DLG2: variants seen among roughly 807,000 people sequenced by gnomAD.
The protein encoded by DLG2 is disks large homolog 2.
DLG2 carries 45 observed loss-of-function variants against 132.5 expected under a neutral mutation model. The ratio of observed to expected loss-of-function variants is 0.34; its 90% CI spans 0.27 to 0.44. DLG2 has a LOEUF of 0.44. Ranked by LOEUF, DLG2 falls within the 20% of genes least tolerant of loss-of-function variation. The probability of loss-of-function intolerance (pLI) is 1.00; values close to 1 mark genes in which losing one functional copy is unlikely to be tolerated. For missense variants in DLG2, 1,045 were observed against 1,196.9 expected (o/e 0.87, Z 1.87); for synonymous variants, 424 against 419.6 (o/e 1.01, Z -0.13).
intron 6 of DLG2, among the ~76,000 whole-genome samples, chr11:84,693,241 C>T (rs1358953225): frequency 6.6e-6 from 1 of 151,786 alleles, no homozygotes; most frequent in Non-Finnish European, 1.5e-5. Context: ...AGGCTTATAA[C>T]ATTAGATACA....
chr11:83,461,158 G>A (rs1268555364), intron 27 of DLG2, among the ~76,000 whole-genome samples: 1 of 151,910 alleles, frequency 6.6e-6, no homozygotes, highest in East Asian at 1.9e-4. Context: ...ACAGGTGCCT[G>A]CCACCACACC....
At chr11:84,280,867 ATTTTTTTTTTTTTTTT>A (rs35970331) in intron 7 of DLG2, among the ~76,000 whole-genome samples, 1 of 67,702 alleles carries the variant, frequency 1.5e-5, no homozygotes, top group South Asian at 7.1e-4. Context: ...TGCCCAGCCA[ATTTTTTTTTTTTTTTT>A]TTTTTTTTTT....
intron 2 of DLG2, among the ~76,000 whole-genome samples, chr11:85,619,721 C>A (rs2081571763): frequency 6.6e-6 from 1 of 152,020 alleles, no homozygotes; most frequent in Admixed American, 6.6e-5. Flanking sequence ...GTAATCCCAG[C>A]TACTCGGCAG....
intron 10 of DLG2, among the ~76,000 whole-genome samples, chr11:84,091,883 C>G (rs2097098956): frequency 6.6e-6 from 1 of 152,146 alleles, no homozygotes. Context: ...CTGATGTCTT[C>G]TATCTTGCTA....
At chr11:85,598,442 A>G (rs1387799129) in intron 3 of DLG2, among the ~76,000 whole-genome samples, 2 of 152,162 alleles carry the variant, frequency 1.3e-5, no homozygotes, top group African/African-American at 4.8e-5. Flanking sequence ...ACCTCTTTTT[A>G]TTTATATTTT....
intron 5 of DLG2, among the ~76,000 whole-genome samples, chr11:85,116,206 A>T (rs536464830): frequency 2.6e-5 from 4 of 152,120 alleles, no homozygotes; most frequent in African/African-American, 4.8e-5. Flanking sequence ...ATGGATAATT[A>T]TAAAGCATTA....
intron 6 of DLG2, among the ~76,000 whole-genome samples, chr11:84,784,694 A>T (rs2153924656): frequency 6.6e-6 from 1 of 152,280 alleles, no homozygotes; most frequent in Admixed American, 6.5e-5. Flanking sequence ...TGAAATAGTT[A>T]ATGAAGATTC....
At chr11:84,100,912 A>T (rs1000597326) in intron 9 of DLG2, among the ~76,000 whole-genome samples, 1 of 152,132 alleles carries the variant, frequency 6.6e-6, no homozygotes, top group Non-Finnish European at 1.5e-5. Flanking sequence ...TATTTATTAC[A>T]TATGTTGAAA....
At chr11:85,162,185 G>A (rs574327485) in intron 4 of DLG2, among the ~76,000 whole-genome samples, 1 of 152,262 alleles carries the variant, frequency 6.6e-6, no homozygotes, top group East Asian at 1.9e-4. Context: ...TGAAATCAGT[G>A]TACTACTCCA....
At chr11:84,831,059 T>C (rs1485699262) in intron 6 of DLG2, among the ~76,000 whole-genome samples, 1 of 143,680 alleles carries the variant, frequency 7.0e-6, no homozygotes, top group Non-Finnish European at 1.5e-5. Flanking sequence ...GCAACAGATC[T>C]CCTAAAAAAA....
chr11:83,550,663 T>C (rs2096368620), intron 19 of DLG2, among the ~76,000 whole-genome samples: 1 of 152,140 alleles, frequency 6.6e-6, no homozygotes, highest in African/African-American at 2.4e-5. Context: ...CCAAATGCCA[T>C]CAGCTTGCTA....
chr11:83,931,917 A>G (rs892993225), intron 14 of DLG2, among the ~76,000 whole-genome samples: 6 of 152,202 alleles, frequency 3.9e-5, no homozygotes, highest in African/African-American at 1.4e-4. Flanking sequence ...CAACACAGAG[A>G]AACAGTTACT....
chr11:85,603,458 T>C (rs568861126), intron 2 of DLG2, among the ~76,000 whole-genome samples: 157 of 152,294 alleles, frequency 1.0e-3, no homozygotes, highest in Middle Eastern at 3.4e-3. Flanking sequence ...GTCTTTTTCA[T>C]TTCCTCATTA....
rs2081832972 is a variant in DLG2 at position 85,205,629 on chromosome 11, G to A, written c.187-50978C>T. On this transcript the variant is annotated intron_variant, in intron 4 of 27. Coordinates refer to ENST00000376104, the MANE Select transcript of DLG2 (RefSeq NM_001142699.3). The stretch of plus-strand genomic sequence containing the variant: ...TTTGATCATTACACATTGTATACAT[G>A]TATCAAAATAGCGCATGTATCCCCA... Among the ~76,000 whole-genome samples the A allele has an allele frequency of 2.0e-5, 3 of 152,242 alleles. No homozygotes were observed. In the South Asian group the frequency reaches 6.2e-4, roughly 32 times the overall value.
chr11:85,509,254 T>C (rs1598099479), intron 3 of DLG2, among the ~76,000 whole-genome samples: 1 of 152,066 alleles, frequency 6.6e-6, no homozygotes, highest in Admixed American at 6.6e-5. Flanking sequence ...CTTCAAAAGA[T>C]TACCTATATG....
intron 6 of DLG2, among the ~76,000 whole-genome samples, chr11:84,856,954 T>C (rs1341151750): frequency 1.3e-5 from 2 of 152,008 alleles, no homozygotes; most frequent in Non-Finnish European, 2.9e-5. Context: ...AAGTATGTTT[T>C]GTCACAAGCC....
intron 3 of DLG2, among the ~76,000 whole-genome samples, chr11:85,565,057 C>T (rs1018240422): frequency 5.3e-5 from 8 of 151,876 alleles, no homozygotes; most frequent in Non-Finnish European, 8.8e-5. Flanking sequence ...CAATTGATTT[C>T]TGTATATTGA....
intron 6 of DLG2, among the ~76,000 whole-genome samples, chr11:84,989,951 GC>G (rs2056902767): frequency 6.6e-6 from 1 of 152,074 alleles, no homozygotes; most frequent in African/African-American, 2.4e-5. Flanking sequence ...CTAGCATTAG[GC>G]AAAAAATTCT....
chr11:85,539,022 A>G (rs2075794187), intron 3 of DLG2, among the ~76,000 whole-genome samples: 1 of 151,782 alleles, frequency 6.6e-6, no homozygotes, highest in African/African-American at 2.4e-5. Flanking sequence ...TTAAAAAAAC[A>G]CCTTCTCAGA....
Sources: gnomAD v4.1 joint callset for allele counts (sites outside exome capture counted in the v4.1 genomes callset) on GRCh38, gnomAD v4.1.1 for gene constraint, MANE v1.5 for transcripts, NCBI Gene and HGNC (gene_info 2026-07-23, HGNC 2026-07-21) for gene names.